RBFOX1: variants seen among roughly 807,000 people sequenced by gnomAD.
The protein encoded by RBFOX1 is RNA binding fox-1 homolog 1.
A neutral mutation model predicts 57.7 loss-of-function variants in RBFOX1; 8 were observed. That is an observed-to-expected ratio of 0.14 (90% CI 0.08 to 0.25). The LOEUF is 0.25. Among genes scored for constraint, RBFOX1 ranks in the 10% least tolerant of loss-of-function variants. The probability of loss-of-function intolerance (pLI) is 1.00; values close to 1 mark genes in which losing one functional copy is unlikely to be tolerated. For missense variants in RBFOX1, 611 were observed against 548.5 expected (o/e 1.11, Z -1.14); for synonymous variants, 326 against 222.4 (o/e 1.47, Z -4.15).
chr16:7,323,542 G>A lies in RBFOX1; in HGVS notation c.28-194605G>A, dbSNP rs916392837. ...ATAGTATTGAGCACAAGGGAGTTTT[G>A]TAGTTTTGTAGCCTCTCAGTTCATG... On this transcript the variant is annotated intron_variant, in intron 4 of 15. Transcript: ENST00000550418. Among the ~76,000 whole-genome samples the A allele has an allele frequency of 3.3e-5, 5 of 152,364 alleles. No individual in the cohort carries two copies. In the South Asian group the frequency reaches 1.0e-3, roughly 32 times the overall value.
intron 2 of RBFOX1, among the ~76,000 whole-genome samples, chr16:5,532,018 T>G (rs2044498010): frequency 6.6e-6 from 1 of 152,298 alleles, no homozygotes; most frequent in Non-Finnish European, 1.5e-5. Context: ...CAGGCTGATC[T>G]TGAACTCCTG....
At chr16:6,033,147 A>G (rs4570849) in intron 1 of RBFOX1, among the ~76,000 whole-genome samples, 128,648 of 152,196 alleles carry the variant, frequency 0.85, 54,707 homozygotes, top group African/African-American at 0.95. Context: ...CTCCGCAGAC[A>G]TTGTTTGGAT....
intron 4 of RBFOX1, among the ~76,000 whole-genome samples, chr16:7,386,685 C>T (rs1791576163): frequency 6.6e-6 from 1 of 152,096 alleles, no homozygotes; most frequent in Non-Finnish European, 1.5e-5. Context: ...CCACAGTAAT[C>T]ATACGTGTGC....
At chr16:7,047,753 AT>A (rs1039681521) in intron 3 of RBFOX1, among the ~76,000 whole-genome samples, 3 of 35,286 alleles carry the variant, frequency 8.5e-5, no homozygotes, top group East Asian at 7.4e-4. Flanking sequence ...TTTGTCTTCA[AT>A]TTTTTTTTCC....
chr16:7,583,569 A>G (rs1050439231), intron 6 of RBFOX1, among the ~76,000 whole-genome samples: 17 of 152,210 alleles, frequency 1.1e-4, no homozygotes, highest in Admixed American at 4.6e-4. Context: ...CAACAGATGG[A>G]TGGATGTTCT....
At chr16:7,156,484 C>G (rs1222089981) in intron 4 of RBFOX1, among the ~76,000 whole-genome samples, 1 of 151,826 alleles carries the variant, frequency 6.6e-6, no homozygotes, top group Non-Finnish European at 1.5e-5. Flanking sequence ...CAGGTAGATA[C>G]ACATCTATGT....
intron 3 of RBFOX1, among the ~76,000 whole-genome samples, chr16:5,629,631 C>T (rs916876193): frequency 6.6e-6 from 1 of 152,172 alleles, no homozygotes; most frequent in African/African-American, 2.4e-5. Context: ...TCCGTGGTGC[C>T]TGCTTGGGGT....
At chr16:5,733,959 G>A (rs1024662491) in intron 3 of RBFOX1, among the ~76,000 whole-genome samples, 3 of 151,684 alleles carry the variant, frequency 2.0e-5, no homozygotes, top group Non-Finnish European at 4.4e-5. Context: ...TCCTGACCTC[G>A]ACCCTTCTCC....
At chr16:6,890,103 A>G (rs1025896274) in intron 3 of RBFOX1, among the ~76,000 whole-genome samples, 1 of 152,234 alleles carries the variant, frequency 6.6e-6, no homozygotes, top group Non-Finnish European at 1.5e-5. Flanking sequence ...AAAGAGTACA[A>G]TAAAGGAAAA....
chr16:6,184,062 C>G (rs2097088807), intron 1 of RBFOX1, among the ~76,000 whole-genome samples: 1 of 152,126 alleles, frequency 6.6e-6, no homozygotes, highest in African/African-American at 2.4e-5. Context: ...TACATGGTGG[C>G]AGGCAAGAGA....
chr16:7,702,550 T>C (rs946183561), intron 14 of RBFOX1, among the ~76,000 whole-genome samples: 1 of 152,216 alleles, frequency 6.6e-6, no homozygotes, highest in Non-Finnish European at 1.5e-5. Flanking sequence ...CGGATTCATT[T>C]ATTTCTAGTT....
intron 3 of RBFOX1, among the ~76,000 whole-genome samples, chr16:6,879,591 C>T (rs2062512006): frequency 6.6e-6 from 1 of 152,210 alleles, no homozygotes; most frequent in Non-Finnish European, 1.5e-5. Context: ...ATTTTTAAAG[C>T]CAGTATCATC....
intron 4 of RBFOX1, among the ~76,000 whole-genome samples, chr16:5,867,631 A>G (rs1204955735): frequency 6.6e-6 from 1 of 152,166 alleles, no homozygotes; most frequent in Non-Finnish European, 1.5e-5. Flanking sequence ...GGCTCTGCCA[A>G]TGAGACCTCC....
chr16:5,692,250 A>AT (rs2050711495), intron 3 of RBFOX1, among the ~76,000 whole-genome samples: 1 of 151,016 alleles, frequency 6.6e-6, no homozygotes, highest in African/African-American at 2.4e-5. Context: ...CAGAAGCTCC[A>AT]TTTGTTGGCT....
chr16:5,395,776 GAC>G (rs2066536081), intron 1 of RBFOX1, among the ~76,000 whole-genome samples: 1 of 152,226 alleles, frequency 6.6e-6, no homozygotes, highest in South Asian at 2.1e-4. Context: ...TTCCACTGCT[GAC>G]AGTGAAGAAG....
chr16:6,670,171 C>T (rs1006166648), intron 3 of RBFOX1, among the ~76,000 whole-genome samples: 44 of 151,892 alleles, frequency 2.9e-4, no homozygotes, highest in African/African-American at 9.4e-4. Context: ...CAGTGTGATC[C>T]TCCTACATCA....
At chr16:6,164,146 C>T (rs17215447) in intron 1 of RBFOX1, among the ~76,000 whole-genome samples, 100,852 of 152,042 alleles carry the variant, frequency 0.66, 34,764 homozygotes, top group African/African-American at 0.75. Flanking sequence ...CGTTTTGTAA[C>T]ATTAATCATC....
chr16:6,089,125 G>A (rs1037249554), intron 1 of RBFOX1, among the ~76,000 whole-genome samples: 6 of 151,376 alleles, frequency 4.0e-5, no homozygotes, highest in Middle Eastern at 3.4e-3. Flanking sequence ...ATATTAAAGA[G>A]TAATGATGGG....
intron 1 of RBFOX1, among the ~76,000 whole-genome samples, chr16:6,230,245 A>G (rs968385261): frequency 2.1e-4 from 32 of 152,314 alleles, no homozygotes; most frequent in African/African-American, 7.5e-4. Context: ...TTAAATAACA[A>G]TAATCACCAA....
Sources: gnomAD v4.1 joint callset for allele counts (sites outside exome capture counted in the v4.1 genomes callset) on GRCh38, gnomAD v4.1.1 for gene constraint, MANE v1.5 for transcripts, NCBI Gene and HGNC (gene_info 2026-07-23, HGNC 2026-07-21) for gene names.